Variants in TAGLN3 observed in about 807,000 individuals in gnomAD.
TAGLN3 encodes the protein transgelin-3.
Under a neutral mutation model 25.4 loss-of-function variants are expected in TAGLN3, and 12 were observed. The observed-to-expected ratio is 0.47, with a 90% CI of 0.30 to 0.77. TAGLN3 has a LOEUF of 0.77. Ranked by LOEUF, TAGLN3 falls within the 30% of genes least tolerant of loss-of-function variation. TAGLN3 has a pLI of 0.06. For missense variants in TAGLN3, 218 were observed against 255.8 expected, an observed-to-expected ratio of 0.85 and a Z score of 1.01; for synonymous variants, 96 against 94.8, an observed-to-expected ratio of 1.01 and a Z score of -0.08.
Position 112,000,676 on chromosome 3 carries a change from G to A in TAGLN3, c.181-96G>A, listed in dbSNP as rs2072846139. 2.2e-5 allele frequency: 30 copies of A among 1,377,604 alleles called. No individual in the cohort carries two copies. In the South Asian group the frequency reaches 3.8e-4, roughly 17 times the overall value. 85.3% of individuals were successfully genotyped at this position (1,377,604 alleles called of 1,614,324 possible). On this transcript the variant is annotated intron_variant, in intron 2 of 4. Coordinates refer to ENST00000478951, the MANE Select transcript of TAGLN3 (RefSeq NM_001008272.2). ...CCATGACTTGCTCCTGCCCAAACTG[G>A]ATGAGCAGTGTCCCACGTGAGCAGG...
rs2073001988 is a variant in TAGLN3 at position 112,013,565 on chromosome 3, G to GC, written c.*18dup. 9 of 1,614,036 alleles carry GC rather than the reference G, an allele frequency of 5.6e-6. No individual in the cohort carries two copies. The Middle Eastern group carries it at 8.2e-4, about 148-fold the overall frequency. ...CAGATCATGTAGGACGCGGCATCCT[G>GC]CCCCTGGTAGAGAGGACGAATGTTC... On this transcript the variant is annotated 3_prime_UTR_variant, in exon 5 of 5. Coordinates refer to ENST00000478951, the MANE Select transcript of TAGLN3 (RefSeq NM_001008272.2).
Position 112,002,643 on chromosome 3 carries a change from T to TCC in TAGLN3, c.355+1705_355+1706dup, listed in dbSNP as rs56092285. Among the ~76,000 whole-genome samples, 511 of 142,034 alleles carry TCC rather than the reference T, an allele frequency of 3.6e-3. 5 individuals are homozygous for TCC. Among genetic ancestry groups the TCC allele is most frequent in the African/African-American group, 9.9e-3 (378 of 38,080 alleles). 93.2% of individuals were successfully genotyped at this position (142,034 alleles called of 152,430 possible). A position where few individuals can be genotyped will look rare whatever the true frequency, so the allele number is the denominator to read the frequency against. Reference sequence around the variant, plus strand: ...TGTGAATGGAAGGGACCCGGGTGAGTCCCCCCCCCACCCCACAAAGTGCAG... The same window carrying TCC: ...TGTGAATGGAAGGGACCCGGGTGAGTCCCCCCCCCCCACCCCACAAAGTGCAG... On this transcript the variant is annotated intron_variant, in intron 3 of 4. Coordinates refer to ENST00000478951, the MANE Select transcript of TAGLN3 (RefSeq NM_001008272.2).
intron 2 of TAGLN3, 35 bp downstream of exon 2, chr3:111,999,637 T>C (rs1279610644): frequency 6.2e-7 from 1 of 1,605,520 alleles, no homozygotes; most frequent in Non-Finnish European, 8.5e-7. Flanking sequence ...GCTGGGGCGG[T>C]GGGCAGGGAA....
At chr3:111,999,660 CCTTT>C in intron 2 of TAGLN3, 58 bp downstream of exon 2, 1 of 1,580,866 alleles carries the variant, frequency 6.3e-7, no homozygotes, top group Non-Finnish European at 8.6e-7. Context: ...CCTCCAGGGC[CCTTT>C]CTTTTAACGT....
chr3:112,005,070 G>A (rs150580417), intron 3 of TAGLN3, among the ~76,000 whole-genome samples: 1 of 152,242 alleles, frequency 6.6e-6, no homozygotes, highest in East Asian at 1.9e-4. Flanking sequence ...ACTGGAAAGA[G>A]CATGAGTTTT....
At chr3:112,002,649 C>CA (rs1271213475) in intron 3 of TAGLN3, among the ~76,000 whole-genome samples, 1 of 150,286 alleles carries the variant, frequency 6.7e-6, no homozygotes, top group Admixed American at 6.7e-5. Flanking sequence ...TGAGTCCCCC[C>CA]CCCACCCCAC....
At chr3:112,008,677 C>A (rs935284149) in intron 3 of TAGLN3, among the ~76,000 whole-genome samples, 1 of 152,104 alleles carries the variant, frequency 6.6e-6, no homozygotes, top group African/African-American at 2.4e-5. Flanking sequence ...TGGAAAGAGG[C>A]CCTCTTCCCA....
intron 3 of TAGLN3, among the ~76,000 whole-genome samples, chr3:112,008,607 A>G (rs1419749377): frequency 1.3e-5 from 2 of 152,016 alleles, no homozygotes. Flanking sequence ...CCTGTGTGCC[A>G]CTCTCATCCA....
At position 112,013,612 on chromosome 3, in the gene TAGLN3, A is replaced by C; in HGVS notation, c.*61A>C. On this transcript the variant is annotated 3_prime_UTR_variant, in exon 5 of 5. Transcript: ENST00000478951. The stretch of plus-strand genomic sequence containing the variant: ...GTTCCACACCATGGTCTCTACGAAA[A>C]AGAAATAGTTAGTCACCTTCTGACC... The C allele has an allele frequency of 6.2e-7, 1 of 1,610,940 alleles. No individual in the cohort carries two copies. Among genetic ancestry groups the C allele is most frequent in the South Asian group, 1.1e-5 (1 of 90,822 alleles).
chr3:112,011,962 C>T (rs2072981758), intron 4 of TAGLN3, 97 bp downstream of exon 4: 1 of 1,119,124 alleles, frequency 8.9e-7, no homozygotes, highest in Non-Finnish European at 1.3e-6. Context: ...ATGTGCAAAG[C>T]CCCAGGACCA....
chr3:112,006,366 A>T (rs2072917853), intron 3 of TAGLN3, among the ~76,000 whole-genome samples: 1 of 152,194 alleles, frequency 6.6e-6, no homozygotes, highest in Non-Finnish European at 1.5e-5. Flanking sequence ...GAGGCAAGCA[A>T]CAAACATTTA....
intron 3 of TAGLN3, among the ~76,000 whole-genome samples, chr3:112,006,509 A>G (rs1478634606): frequency 6.6e-6 from 1 of 152,254 alleles, no homozygotes; most frequent in Admixed American, 6.5e-5. Context: ...ACATGGTTTC[A>G]TACACTACTG....
rs772190700 is a variant in TAGLN3 at position 112,013,457 on chromosome 3, A to T, written c.506A>T (p.Gln169Leu). 1.2e-6 allele frequency: 2 copies of T among 1,614,160 alleles called. No individual in the cohort carries two copies. Among genetic ancestry groups the T allele is most frequent in the Non-Finnish European group, 1.7e-6 (2 of 1,180,006 alleles). ...RRGFSEEQLR[Q>L]GQNVIGLQMG... is the part of the protein sequence containing the mutation. Reference sequence around the variant, plus strand: ...GGCTTTTCCGAGGAGCAGCTTCGCCAGGGACAGAACGTAATAGGCCTGCAG... The same window carrying T: ...GGCTTTTCCGAGGAGCAGCTTCGCCTGGGACAGAACGTAATAGGCCTGCAG... Residue 169 changes from glutamine to leucine, a missense_variant, in exon 5 of 5, where the codon CAG (glutamine) becomes CTG (leucine). By Grantham distance (113) the Gln-to-Leu change is moderately radical. Transcript: ENST00000478951.
At chr3:112,011,733 C>T (rs755181979) in intron 3 of TAGLN3, 30 bp from the exon 4 acceptor site, 2 of 1,598,818 alleles carry the variant, frequency 1.3e-6, no homozygotes, top group Non-Finnish European at 1.7e-6. Flanking sequence ...CTGACACGTG[C>T]TTGGCTTTAA....
At chr3:112,006,153 C>T (rs1322354614) in intron 3 of TAGLN3, among the ~76,000 whole-genome samples, 1 of 152,130 alleles carries the variant, frequency 6.6e-6, no homozygotes, top group African/African-American at 2.4e-5. Context: ...TTAGCAATGG[C>T]TCTCTAATGC....
rs779607470 is a variant in TAGLN3 at position 112,000,842 on chromosome 3, A to G, written c.251A>G (p.Lys84Arg). Reference sequence around the variant, plus strand: ...CCCATACCCAAGATCTCAGAGTCAAAGATGGCTTTTAAGCAGATGGAGCAA... The same window carrying G: ...CCCATACCCAAGATCTCAGAGTCAAGGATGGCTTTTAAGCAGATGGAGCAA... ...QEPIPKISES[K>R]MAFKQMEQIS... Residue 84 changes from lysine to arginine, a missense_variant, in exon 3 of 5, where the codon AAG becomes AGG. Coordinates refer to ENST00000478951, the MANE Select transcript of TAGLN3 (RefSeq NM_001008272.2). 6.2e-7 allele frequency: 1 copy of G among 1,614,218 alleles called. No individual in the cohort carries two copies. Among genetic ancestry groups the G allele is most frequent in the South Asian group, 1.1e-5 (1 of 91,074 alleles).
In TAGLN3 at chr3:112,013,557, G is replaced by T; in HGVS notation, c.*6G>T. 6.2e-7 allele frequency: 1 copy of T among 1,614,048 alleles called. No individual in the cohort carries two copies. Among genetic ancestry groups the T allele is most frequent in the Non-Finnish European group, 8.5e-7 (1 of 1,179,936 alleles). On this transcript the variant is annotated 3_prime_UTR_variant, in exon 5 of 5. Coordinates refer to ENST00000478951, the MANE Select transcript of TAGLN3 (RefSeq NM_001008272.2). ...TGCCCAGGCAGATCATGTAGGACGC[G>T]GCATCCTGCCCCTGGTAGAGAGGAC...
At chr3:112,004,848 G>C (rs1226650232) in intron 3 of TAGLN3, among the ~76,000 whole-genome samples, 1 of 151,592 alleles carries the variant, frequency 6.6e-6, no homozygotes, top group Non-Finnish European at 1.5e-5. Context: ...ACAGGAGCTG[G>C]TGTTGCGGGG....
Position 112,013,530 on chromosome 3 carries a change from G to A in TAGLN3, c.579G>A (p.Gly193=), listed in dbSNP as rs779571178. The change falls in exon 5 of 5, where the codon GGG becomes GGA. Residue 193 remains glycine, a synonymous_variant. Coordinates refer to ENST00000478951, the MANE Select transcript of TAGLN3 (RefSeq NM_001008272.2). ...GASQAGMTGY[G]MPRQIM is the part of the protein sequence containing the mutation. ...CCCAGGCGGGCATGACAGGGTACGG[G>A]ATGCCCAGGCAGATCATGTAGGACG... 2.5e-6 allele frequency: 4 copies of A among 1,614,200 alleles called. No homozygotes were observed. In the East Asian group the frequency reaches 8.9e-5, roughly 36 times the overall value.
Sources: gnomAD v4.1 joint callset for allele counts (sites outside exome capture counted in the v4.1 genomes callset) on GRCh38, gnomAD v4.1.1 for gene constraint, MANE v1.5 for transcripts, NCBI Gene and HGNC (gene_info 2026-07-23, HGNC 2026-07-21) for gene names.